GLMN: variants seen among roughly 807,000 people sequenced by gnomAD.
The protein encoded by GLMN is glomulin, FKBP associated protein.
A neutral mutation model predicts 87.8 loss-of-function variants in GLMN; 75 were observed. The observed-to-expected ratio is 0.85, with a 90% CI of 0.71 to 1.04. GLMN has a LOEUF of 1.04. Among genes scored for constraint, GLMN ranks in the 50% least tolerant of loss-of-function variants. The pLI is 0.00. For synonymous variants in GLMN, 206 were observed against 221.6 expected (o/e 0.93, Z 0.63); for missense variants, 588 against 658.8 (o/e 0.89, Z 1.18).
At chr1:92,269,067 C>T (rs112043420) in intron 9 of GLMN, among the ~76,000 whole-genome samples, 2,954 of 152,010 alleles carry the variant, frequency 0.019, 118 homozygotes, top group African/African-American at 0.067. Flanking sequence ...AACGGGCAGG[C>T]GCCACCACTC....
chr1:92,305,226 A>G, the GLMN span, among the ~76,000 whole-genome samples: 1 of 151,916 alleles, frequency 6.6e-6, no homozygotes, highest in Admixed American at 6.6e-5. Context: ...AGGTCAGGAA[A>G]TCGAGACCAT....
chr1:92,286,509 T>C lies in GLMN; in HGVS notation c.716A>G (p.Tyr239Cys), dbSNP rs1648769129. ...SEEGGNDPFRYFASEIIGFLS... is the reference protein window; with the variant it reads ...SEEGGNDPFRCFASEIIGFLS... Reference sequence around the variant, plus strand: ...ACTTACTATTATTTCTGATGCAAAATACCTGAAAGGATCATTTCCACCTTC... The same window carrying C: ...ACTTACTATTATTTCTGATGCAAAACACCTGAAAGGATCATTTCCACCTTC... The change falls in exon 7 of 19, where the codon TAT (tyrosine) becomes TGT (cysteine). Residue 239 changes from tyrosine (Y) to cysteine (C), a missense_variant. Coordinates refer to ENST00000370360, the MANE Select transcript of GLMN (RefSeq NM_053274.3). 1.9e-6 allele frequency: 3 copies of C among 1,556,534 alleles called. No individual in the cohort carries two copies. The highest frequency in any genetic ancestry group is 2.2e-5 in the South Asian group (2 of 90,006).
At chr1:92,298,866 G>T in intron 1 of GLMN, 59 bp downstream of exon 1, 1 of 399,952 alleles carries the variant, frequency 2.5e-6, no homozygotes, top group Non-Finnish European at 4.4e-6. Flanking sequence ...CAAGTCCGCC[G>T]CGGCTCACGG....
At chr1:92,295,947 A>G (rs1263356306) in intron 3 of GLMN, among the ~76,000 whole-genome samples, 1 of 152,234 alleles carries the variant, frequency 6.6e-6, no homozygotes, top group Non-Finnish European at 1.5e-5. Context: ...CGCAATTAGA[A>G]AAAAATCAAG....
the GLMN span, among the ~76,000 whole-genome samples, chr1:92,314,874 G>A: frequency 5.3e-5 from 8 of 151,478 alleles, no homozygotes; most frequent in South Asian, 2.1e-4. Flanking sequence ...GCAAAACCCC[G>A]TCTCTACTAA....
intron 7 of GLMN, among the ~76,000 whole-genome samples, chr1:92,277,713 G>A (rs1371234319): frequency 6.6e-6 from 1 of 152,194 alleles, no homozygotes; most frequent in Admixed American, 6.5e-5. Flanking sequence ...GAAGTTTCCA[G>A]TAGGGTGGTG....
chr1:92,309,303 G>A, the GLMN span, among the ~76,000 whole-genome samples: 9 of 151,666 alleles, frequency 5.9e-5, no homozygotes, highest in South Asian at 2.1e-4. Flanking sequence ...TTAGCTGGAC[G>A]TGGTGACACA....
At chr1:92,370,485 C>T in the GLMN span, among the ~76,000 whole-genome samples, 1 of 152,038 alleles carries the variant, frequency 6.6e-6, no homozygotes, top group Non-Finnish European at 1.5e-5. Context: ...CACAAAAGTT[C>T]CATGAAGAAG....
In GLMN at chr1:92,269,875, A is replaced by G. The variant is rs116443354; in HGVS notation, c.924-99T>C. 6.6e-4 allele frequency: 541 copies of G among 815,336 alleles called. 3 individuals are homozygous for G. In the African/African-American group the frequency reaches 8.5e-3, roughly 13 times the overall value. The allele number at this position is 815,336 out of a possible 1,614,324, so 50.5% of individuals were successfully genotyped here. On this transcript the variant is annotated intron_variant, in intron 8 of 18. Coordinates refer to ENST00000370360, the MANE Select transcript of GLMN (RefSeq NM_053274.3). ...GGGTTGAATTGTATCTCCCCCAAAAAAGATATGTTGGAGTCCTAACCTCTA... is the reference window on the plus strand; with the variant it reads ...GGGTTGAATTGTATCTCCCCCAAAAGAGATATGTTGGAGTCCTAACCTCTA...
chr1:92,297,986 TC>T lies in GLMN; in HGVS notation c.13del (p.Glu5AsnfsTer5). The T allele has an allele frequency of 1.3e-6, 2 of 1,495,818 alleles. No homozygotes were observed. The highest frequency in any genetic ancestry group is 1.9e-6 in the Non-Finnish European group (2 of 1,072,720). The allele number at this position is 1,495,818 out of a possible 1,614,324, so 92.7% of individuals were successfully genotyped here. A position where few individuals can be genotyped will look rare whatever the true frequency, so the allele number is the denominator to read the frequency against. On this transcript the variant is annotated frameshift_variant, in exon 2 of 19. Coordinates refer to ENST00000370360, the MANE Select transcript of GLMN (RefSeq NM_053274.3). LOFTEE classifies it high-confidence loss of function. ...ACATCTCTTTATTATAGACTGAAGT[TC>T]CTCTACAGCCATTCTTATTTCTCCT... MAVE[E>X]LQSIIKRCQI...
chr1:92,299,202 G>A, upstream of GLMN: 2 of 1,159,650 alleles, frequency 1.7e-6, no homozygotes, highest in Non-Finnish European at 1.2e-6. Context: ...CCCCGATCTC[G>A]AGTTATAGAC....
chr1:92,297,551 CA>C, intron 2 of GLMN, 22 bp from the exon 3 acceptor site: 1 of 1,511,970 alleles, frequency 6.6e-7, no homozygotes. Flanking sequence ...AAAAAAAACC[CA>C]AAAAACAAAC....
chr1:92,276,238 T>C (rs1647285981), intron 7 of GLMN, among the ~76,000 whole-genome samples: 2 of 151,836 alleles, frequency 1.3e-5, no homozygotes, highest in Admixed American at 6.6e-5. Context: ...AAAATATATA[T>C]ACACATTTAC....
At chr1:92,359,070 T>C in the GLMN span, among the ~76,000 whole-genome samples, 2 of 152,224 alleles carry the variant, frequency 1.3e-5, no homozygotes, top group East Asian at 1.9e-4. Context: ...TTTTATGGAA[T>C]TGATTTTCTC....
intron 9 of GLMN, 84 bp from the exon 10 acceptor site, chr1:92,268,219 T>C (rs1225376152): frequency 1.3e-6 from 1 of 767,792 alleles, no homozygotes; most frequent in Admixed American, 2.2e-5. Flanking sequence ...CAGCAAAAAC[T>C]GAAATTTTAA....
chr1:92,367,841 A>G, the GLMN span, among the ~76,000 whole-genome samples: 4 of 152,346 alleles, frequency 2.6e-5, no homozygotes, highest in South Asian at 6.2e-4. Flanking sequence ...GTGTCATTTT[A>G]TAACTGCCTA....
At chr1:92,278,260 AT>A (rs1647538713) in intron 7 of GLMN, among the ~76,000 whole-genome samples, 1 of 152,138 alleles carries the variant, frequency 6.6e-6, no homozygotes, top group Non-Finnish European at 1.5e-5. Flanking sequence ...ATCATATGTG[AT>A]GGTGCTTATA....
the GLMN span, chr1:92,336,206 A>G: frequency 1.6e-6 from 1 of 633,264 alleles, no homozygotes. Context: ...CTCACCAATC[A>G]TAACCTAGGT....
At chr1:92,344,283 T>TA in the GLMN span, among the ~76,000 whole-genome samples, 1 of 152,104 alleles carries the variant, frequency 6.6e-6, no homozygotes, top group Non-Finnish European at 1.5e-5. Context: ...CATATGCCTG[T>TA]AATCCCAGCT....
Sources: allele counts gnomAD v4.1 joint callset (sites outside exome capture counted in the v4.1 genomes callset), GRCh38; gene constraint gnomAD v4.1.1; transcripts MANE v1.5; gene names NCBI Gene and HGNC (gene_info 2026-07-23, HGNC 2026-07-21).